Variants in IGDCC4 observed in about 807,000 individuals in gnomAD.
The protein encoded by IGDCC4 is immunoglobulin superfamily DCC subclass member 4.
IGDCC4 carries 72 observed loss-of-function variants against 116.6 expected under a neutral mutation model. The ratio of observed to expected loss-of-function variants is 0.62; its 90% CI spans 0.51 to 0.75. The LOEUF (loss-of-function observed/expected upper bound fraction) is 0.75, where lower values mean the gene tolerates loss of function less well. Ranked by LOEUF, IGDCC4 falls within the 30% of genes least tolerant of loss-of-function variation. The probability of loss-of-function intolerance (pLI) is 0.00; values close to 1 mark genes in which losing one functional copy is unlikely to be tolerated. For synonymous variants in IGDCC4, 709 were observed against 719.9 expected, an observed-to-expected ratio of 0.98 and a Z score of 0.24; for missense variants, 1,501 against 1,662.4, an observed-to-expected ratio of 0.90 and a Z score of 1.69.
rs943118989 is a variant in IGDCC4 at position 65,383,031 on chromosome 15, C to G, written c.*978G>C. ...CCAGAAGATCTTCTCCACACCCGCACTGGGCGTGGGTGGGCTGCCTGGGGC... is the reference window on the plus strand; with the variant it reads ...CCAGAAGATCTTCTCCACACCCGCAGTGGGCGTGGGTGGGCTGCCTGGGGC... On this transcript the variant is annotated 3_prime_UTR_variant, in exon 20 of 20. Coordinates refer to ENST00000352385, the MANE Select transcript of IGDCC4 (RefSeq NM_020962.3). The G allele has an allele frequency of 5.9e-5, 9 of 152,678 alleles. No individual in the cohort carries two copies. Among genetic ancestry groups the G allele is most frequent in the Non-Finnish European group, 8.8e-5 (6 of 68,112 alleles). 9.5% of individuals were successfully genotyped at this position (152,678 alleles called of 1,614,324 possible).
chr15:65,422,839 G>A lies in IGDCC4; in HGVS notation c.24C>T (p.Arg8=), dbSNP rs1259485038. MARGDAG[R]GRGLLALTFC... is the part of the protein sequence containing the mutation. ...AGGTCAACGCGAGGAGCCCGCGGCC[G>A]CGGCCGGCGTCCCCCCGCGCCATGG... is the stretch of plus-strand genomic sequence containing the variant. Residue 8 remains arginine (R), a synonymous_variant, in exon 1 of 20, where the codon CGC becomes CGT. Transcript: ENST00000352385. 1.7e-6 allele frequency: 2 copies of A among 1,210,356 alleles called. No individual in the cohort carries two copies. Among genetic ancestry groups the A allele is most frequent in the Non-Finnish European group, 2.1e-6 (2 of 971,056 alleles). The allele number at this position is 1,210,356 out of a possible 1,614,324, so 75.0% of individuals were successfully genotyped here. A position where few individuals can be genotyped will look rare whatever the true frequency, so the allele number is the denominator to read the frequency against.
intron 1 of IGDCC4, among the ~76,000 whole-genome samples, chr15:65,419,951 G>T (rs1447381526): frequency 6.6e-6 from 1 of 152,050 alleles, no homozygotes; most frequent in African/African-American, 2.4e-5. Flanking sequence ...TGTTGTTGTT[G>T]TGTTTGTTTT....
intron 18 of IGDCC4, 64 bp from the exon 19 acceptor site, chr15:65,385,179 C>CG: frequency 6.7e-7 from 1 of 1,489,030 alleles, no homozygotes; most frequent in Non-Finnish European, 8.9e-7. Flanking sequence ...GAGGGAAGCC[C>CG]GGGGGAGGGA....
At chr15:65,421,939 G>A (rs1052686977) in intron 1 of IGDCC4, among the ~76,000 whole-genome samples, 3 of 152,170 alleles carry the variant, frequency 2.0e-5, no homozygotes, top group East Asian at 1.9e-4. Flanking sequence ...GGACAACTCT[G>A]ACTTACCCCG....
At chr15:65,413,653 A>G (rs944338118) in intron 1 of IGDCC4, among the ~76,000 whole-genome samples, 6 of 152,166 alleles carry the variant, frequency 3.9e-5, no homozygotes, top group Non-Finnish European at 5.9e-5. Context: ...TAAAAGCTCA[A>G]TGGCCCAAGG....
chr15:65,395,327 T>G, intron 7 of IGDCC4, 69 bp from the exon 8 acceptor site: 1 of 1,485,152 alleles, frequency 6.7e-7, no homozygotes, highest in Admixed American at 1.8e-5. Context: ...GGAGTCTGTA[T>G]AGGAATCCTT....
At chr15:65,412,371 G>C (rs1307810899) in intron 1 of IGDCC4, among the ~76,000 whole-genome samples, 1 of 151,222 alleles carries the variant, frequency 6.6e-6, no homozygotes, top group African/African-American at 2.4e-5. Context: ...AATTAGCCAG[G>C]CGTGGTGGCA....
chr15:65,404,725 A>G (rs1476526886), intron 3 of IGDCC4, among the ~76,000 whole-genome samples: 3 of 152,132 alleles, frequency 2.0e-5, no homozygotes, highest in South Asian at 4.1e-4. Context: ...CTTTCCCCAG[A>G]TATGGTGCTA....
At chr15:65,397,359 G>A (rs1356549446) in intron 5 of IGDCC4, among the ~76,000 whole-genome samples, 1 of 152,206 alleles carries the variant, frequency 6.6e-6, no homozygotes, top group Admixed American at 6.6e-5. Flanking sequence ...GCTAGGGCTG[G>A]TAAGGTCGGA....
chr15:65,391,833 G>A, intron 12 of IGDCC4, 47 bp downstream of exon 12: 1 of 1,538,442 alleles, frequency 6.5e-7, no homozygotes, highest in Non-Finnish European at 9.0e-7. Context: ...GCGGCTAGCA[G>A]AGCCCTCACC....
In IGDCC4 at chr15:65,388,991, AGAG is replaced by A. The variant is rs1162086913; in HGVS notation, c.2537-16_2537-14del. ...GGTGTGGAGGGCCCTGGGGTGCGGG[AGAG>A]GAGATGGGGAGAGATGTCAGAGCTG... is the stretch of plus-strand genomic sequence containing the variant. On this transcript the variant is annotated splice_polypyrimidine_tract_variant and intron_variant, in intron 14 of 19. Coordinates refer to ENST00000352385, the MANE Select transcript of IGDCC4 (RefSeq NM_020962.3). The A allele has an allele frequency of 6.4e-7, 1 of 1,555,416 alleles. No homozygotes were observed. Among genetic ancestry groups the A allele is most frequent in the Non-Finnish European group, 8.7e-7 (1 of 1,148,890 alleles).
Position 65,395,251 on chromosome 15 carries a change from G to A in IGDCC4, c.1419C>T (p.Asp473=). 6.2e-7 allele frequency: 1 copy of A among 1,611,284 alleles called. No homozygotes were observed. The highest frequency in any genetic ancestry group is 8.5e-7 in the Non-Finnish European group (1 of 1,177,818). ...TCACTGCAAACTGGTATTCCACATT[G>A]TCCATGCCTGGTGACACGGGGGACA... ...SLHYQKARGM[D]NVEYQFAVNN... is the part of the protein sequence containing the mutation. Residue 473 remains aspartate, a synonymous_variant, in exon 8 of 20, where the codon GAC becomes GAT. Transcript: ENST00000352385.
intron 13 of IGDCC4, 49 bp from the exon 14 acceptor site, chr15:65,389,460 C>A: frequency 6.2e-7 from 1 of 1,613,566 alleles, no homozygotes; most frequent in African/African-American, 1.3e-5. Context: ...ACTCTCCCAG[C>A]AGGGCAGACT....
intron 7 of IGDCC4, 142 bp downstream of exon 7, chr15:65,395,608 G>A (rs1316848578): frequency 2.3e-6 from 2 of 884,524 alleles, no homozygotes; most frequent in East Asian, 3.0e-5. Context: ...ACTTATGCGG[G>A]TCTCTCCTAT....
chr15:65,400,240 C>T (rs1325357397), intron 5 of IGDCC4, among the ~76,000 whole-genome samples: 1 of 152,252 alleles, frequency 6.6e-6, no homozygotes, highest in African/African-American at 2.4e-5. Context: ...TGTCAGACCT[C>T]TCTTCATAGA....
rs532332341 is a variant in IGDCC4, at chr15:65,395,533, C to G, written c.1411+217G>C. On this transcript the variant is annotated intron_variant, in intron 7 of 19. Transcript: ENST00000352385. Reference sequence around the variant, plus strand: ...CAGGAACGTCCTCTCCCTCCTCTCTCAACAAACATGACTGAGGGAAGCAGT... The same window carrying G: ...CAGGAACGTCCTCTCCCTCCTCTCTGAACAAACATGACTGAGGGAAGCAGT... Among the ~76,000 whole-genome samples, 14 of 152,274 alleles carry G rather than the reference C, an allele frequency of 9.2e-5. No homozygotes were observed. In the East Asian group the frequency reaches 1.9e-3, roughly 21 times the overall value.
chr15:65,408,134 G>GA (rs2063057208), intron 3 of IGDCC4, among the ~76,000 whole-genome samples: 1 of 152,168 alleles, frequency 6.6e-6, no homozygotes, highest in Non-Finnish European at 1.5e-5. Flanking sequence ...AGGAAAATGT[G>GA]AAAATAAGAA....
At chr15:65,417,917 G>T (rs926694448) in intron 1 of IGDCC4, among the ~76,000 whole-genome samples, 2 of 152,074 alleles carry the variant, frequency 1.3e-5, no homozygotes, top group Non-Finnish European at 2.9e-5. Flanking sequence ...TTTTTGACTT[G>T]CCTTTCTCCT....
rs532110926 is a variant in IGDCC4, at chr15:65,394,671, G to A, written c.1577-123C>T. 2.7e-4 allele frequency: 250 copies of A among 936,306 alleles called. 1 individual carries two copies. The highest frequency in any genetic ancestry group is 3.0e-4 in the Non-Finnish European group (192 of 643,194). The allele number at this position is 936,306 out of a possible 1,614,324, so 58.0% of individuals were successfully genotyped here. On this transcript the variant is annotated intron_variant, in intron 8 of 19. Transcript: ENST00000352385. ...GAAGTAGGCCAGGACCAGGATCTGA[G>A]GGAGGAAAGGGAGCTTCTCAGGGGA...
Sources: allele counts gnomAD v4.1 joint callset (sites outside exome capture counted in the v4.1 genomes callset), GRCh38; gene constraint gnomAD v4.1.1; transcripts MANE v1.5; gene names NCBI Gene and HGNC (gene_info 2026-07-23, HGNC 2026-07-21).